PATJ: variants seen among roughly 807,000 people sequenced by gnomAD.
The protein encoded by PATJ is inaD-like protein.
Under a neutral mutation model 224.9 loss-of-function variants are expected in PATJ, and 190 were observed. The observed-to-expected ratio is 0.84, with a 90% confidence interval of 0.75 to 0.95. PATJ has a LOEUF of 0.95. PATJ is among the 40% of genes least tolerant of loss of function. The pLI is 0.00. For missense variants in PATJ, 2,121 were observed against 2,270.3 expected (o/e 0.93, Z 1.34); for synonymous variants, 769 against 820.3 (o/e 0.94, Z 1.07).
At chr1:62,136,669 GTGTGTGTGTGTGTGTGTGTGTGTC>G (rs1558220149) in intron 41 of PATJ, among the ~76,000 whole-genome samples, 11 of 116,520 alleles carry the variant, frequency 9.4e-5, no homozygotes, top group East Asian at 3.0e-4. Context: ...GTGTGTCTGT[GTGTGTGTGTGTGTGTGTGTGTGTC>G]TGTGTGTGTG....
chr1:61,851,818 A>G (rs1219622504), intron 17 of PATJ, among the ~76,000 whole-genome samples: 1 of 152,116 alleles, frequency 6.6e-6, no homozygotes, highest in Non-Finnish European at 1.5e-5. Context: ...AAGAATCAGA[A>G]GAGATAAAAG....
intron 31 of PATJ, among the ~76,000 whole-genome samples, chr1:62,075,648 G>A (rs896748018): frequency 1.3e-5 from 2 of 152,184 alleles, no homozygotes; most frequent in African/African-American, 2.4e-5. Context: ...GCCGGGCGCA[G>A]TGGCTCACGC....
intron 5 of PATJ, among the ~76,000 whole-genome samples, chr1:61,769,878 A>T (rs186694902): frequency 3.3e-5 from 5 of 152,324 alleles, no homozygotes; most frequent in African/African-American, 1.2e-4. Flanking sequence ...TTTGGTGGTC[A>T]TGTTACTCTA....
At chr1:61,869,438 C>T (rs1452702756) in intron 20 of PATJ, among the ~76,000 whole-genome samples, 1 of 152,090 alleles carries the variant, frequency 6.6e-6, no homozygotes, top group East Asian at 1.9e-4. Flanking sequence ...TGCTTATTGC[C>T]ATTCCTCAAG....
At chr1:61,797,250 T>C (rs757087313) in intron 10 of PATJ, 37 bp from the exon 11 acceptor site, 1 of 1,585,798 alleles carries the variant, frequency 6.3e-7, no homozygotes, top group South Asian at 1.1e-5. Flanking sequence ...AGTAGCTAAT[T>C]TAAAACCTCT....
At chr1:62,094,373 G>A (rs1488011092) in intron 33 of PATJ, among the ~76,000 whole-genome samples, 1 of 152,068 alleles carries the variant, frequency 6.6e-6, no homozygotes, top group Non-Finnish European at 1.5e-5. Context: ...CAGCGTGGGT[G>A]ACAAAGTAAG....
intron 31 of PATJ, among the ~76,000 whole-genome samples, chr1:62,055,846 C>G (rs1570362868): frequency 1.3e-5 from 2 of 152,186 alleles, no homozygotes; most frequent in African/African-American, 2.4e-5. Context: ...TGTTATGGAG[C>G]CTGAGAGGTC....
intron 41 of PATJ, among the ~76,000 whole-genome samples, chr1:62,147,112 A>G (rs1668115269): frequency 6.6e-6 from 1 of 152,176 alleles, no homozygotes; most frequent in Non-Finnish European, 1.5e-5. Flanking sequence ...TTGGAGCTAG[A>G]GGTACAGATT....
intron 27 of PATJ, among the ~76,000 whole-genome samples, chr1:61,979,160 G>A (rs994195757): frequency 7.2e-5 from 11 of 151,912 alleles, no homozygotes; most frequent in African/African-American, 2.7e-4. Context: ...GTTCATTCAG[G>A]GATACTGGAA....
intron 27 of PATJ, among the ~76,000 whole-genome samples, chr1:61,972,378 T>C (rs1469616700): frequency 6.6e-6 from 1 of 152,076 alleles, no homozygotes; most frequent in Admixed American, 6.5e-5. Context: ...TCAACTTGTA[T>C]TAAACAATTT....
In PATJ at chr1:61,769,425, G is replaced by T; in HGVS notation, c.524+3G>T. 6.2e-7 allele frequency: 1 copy of T among 1,607,806 alleles called. No individual in the cohort carries two copies. Among genetic ancestry groups the T allele is most frequent in the Non-Finnish European group, 8.5e-7 (1 of 1,178,444 alleles). ...CAGCCAGGGAGTGTAGCAGACAGGTGAGGAAGCTGTTTATTTTCATTTTGC... is the reference window on the plus strand; with the variant it reads ...CAGCCAGGGAGTGTAGCAGACAGGTTAGGAAGCTGTTTATTTTCATTTTGC... On this transcript the variant is annotated splice_donor_region_variant and intron_variant, in intron 5 of 43. Transcript: ENST00000642238.
intron 9 of PATJ, among the ~76,000 whole-genome samples, chr1:61,794,607 A>G (rs186148632): frequency 1.1e-4 from 16 of 152,108 alleles, no homozygotes; most frequent in African/African-American, 3.6e-4. Flanking sequence ...GTCTGTTTCA[A>G]TGTTTTATTT....
chr1:61,839,769 A>T (rs955761686), intron 17 of PATJ, among the ~76,000 whole-genome samples: 6 of 152,002 alleles, frequency 3.9e-5, no homozygotes, highest in African/African-American at 1.4e-4. Context: ...ATTAACCAAT[A>T]ATTCTCCTCC....
chr1:61,928,928 T>C (rs1393306311), intron 27 of PATJ, among the ~76,000 whole-genome samples: 2 of 152,230 alleles, frequency 1.3e-5, no homozygotes, highest in Non-Finnish European at 2.9e-5. Context: ...TAAATCTTTG[T>C]TGAATACCAT....
intron 26 of PATJ, among the ~76,000 whole-genome samples, chr1:61,924,101 T>C (rs1055546032): frequency 1.3e-5 from 2 of 151,938 alleles, no homozygotes; most frequent in Non-Finnish European, 2.9e-5. Flanking sequence ...CCAGGCACAA[T>C]AGCTCATGCC....
intron 23 of PATJ, among the ~76,000 whole-genome samples, chr1:61,899,963 A>G (rs775349737): frequency 6.6e-6 from 1 of 152,222 alleles, no homozygotes; most frequent in African/African-American, 2.4e-5. Flanking sequence ...TGAATGCAGT[A>G]AAGCTTTCTT....
At chr1:61,858,791 A>G (rs935950897) in intron 18 of PATJ, among the ~76,000 whole-genome samples, 4 of 152,204 alleles carry the variant, frequency 2.6e-5, no homozygotes, top group Non-Finnish European at 2.9e-5. Context: ...GTATTTTTGC[A>G]TGGGAGACCA....
intron 29 of PATJ, among the ~76,000 whole-genome samples, chr1:62,029,294 C>A (rs1047380468): frequency 1.1e-4 from 16 of 152,198 alleles, no homozygotes; most frequent in Admixed American, 9.8e-4. Flanking sequence ...TACAAACATA[C>A]ACACACTGCC....
At chr1:61,901,524 G>T in intron 24 of PATJ, 65 bp downstream of exon 24, 1 of 1,195,714 alleles carries the variant, frequency 8.4e-7, no homozygotes, top group South Asian at 1.4e-5. Context: ...TAATCATTTA[G>T]CTAGAAGACC....
Sources: allele counts gnomAD v4.1 joint callset (sites outside exome capture counted in the v4.1 genomes callset), GRCh38; gene constraint gnomAD v4.1.1; transcripts MANE v1.5; gene names NCBI Gene and HGNC (gene_info 2026-07-23, HGNC 2026-07-21).